Variants in ACTR3C observed in about 807,000 individuals in gnomAD.
ACTR3C encodes actin-related protein 3C.
A neutral mutation model predicts 26.3 loss-of-function variants in ACTR3C; 18 were observed. The observed-to-expected ratio is 0.68, with a 90% CI of 0.47 to 1.01. The LOEUF (loss-of-function observed/expected upper bound fraction) is 1.01. Among genes scored for constraint, ACTR3C ranks in the 50% least tolerant of loss-of-function variants. ACTR3C has a pLI of 0.00. For synonymous variants in ACTR3C, 55 were observed against 94.5 expected (o/e 0.58, Z 2.42); for missense variants, 184 against 250.7 (o/e 0.73, Z 1.80).
the ACTR3C span, among the ~76,000 whole-genome samples, chr7:149,996,124 C>T: frequency 5.9e-5 from 9 of 152,200 alleles, no homozygotes; most frequent in African/African-American, 2.2e-4. Flanking sequence ...AGATCACAAA[C>T]CATTCTAGGG....
chr7:150,035,540 C>CG, the ACTR3C span, among the ~76,000 whole-genome samples: 8 of 121,746 alleles, frequency 6.6e-5, no homozygotes, highest in African/African-American at 2.4e-4. Context: ...GTGCCTCCCC[C>CG]TCCTGCGATG....
the ACTR3C span, among the ~76,000 whole-genome samples, chr7:150,162,854 A>G: frequency 6.6e-6 from 1 of 152,194 alleles, no homozygotes; most frequent in East Asian, 1.9e-4. Context: ...CAAGCTAGAC[A>G]TCAGAAGTAC....
At chr7:150,053,406 C>T in the ACTR3C span, among the ~76,000 whole-genome samples, 1 of 152,172 alleles carries the variant, frequency 6.6e-6, no homozygotes, top group Non-Finnish European at 1.5e-5. Flanking sequence ...CTCTGCACTT[C>T]AGTGCTTTAA....
At chr7:150,087,253 T>A in the ACTR3C span, among the ~76,000 whole-genome samples, 1 of 151,658 alleles carries the variant, frequency 6.6e-6, no homozygotes, top group Non-Finnish European at 1.5e-5. Context: ...AAAGTTTTGT[T>A]AATTTTATTA....
intron 6 of ACTR3C, among the ~76,000 whole-genome samples, chr7:150,253,947 TG>T (rs1833030735): frequency 6.6e-6 from 1 of 152,038 alleles, no homozygotes; most frequent in Non-Finnish European, 1.5e-5. Flanking sequence ...CTGGTATCAT[TG>T]GGTATAGACT....
At chr7:150,308,244 C>T (rs995279595) in intron 1 of ACTR3C, among the ~76,000 whole-genome samples, 12 of 152,000 alleles carry the variant, frequency 7.9e-5, no homozygotes, top group African/African-American at 2.9e-4. Flanking sequence ...CTATGGGCAA[C>T]CTTCCACCCT....
rs941566948 is a variant in ACTR3C, at chr7:150,275,292, C to T, written c.564+9461G>A. On this transcript the variant is annotated intron_variant, in intron 6 of 7. Transcript: ENST00000683684. ...AATCATGTTTTTAAAGAATTTCAGTCGCTTAAGAAAGGGCTCACAACATAA... is the reference window on the plus strand; with the variant it reads ...AATCATGTTTTTAAAGAATTTCAGTTGCTTAAGAAAGGGCTCACAACATAA... Among the ~76,000 whole-genome samples the T allele has an allele frequency of 7.2e-5, 11 of 152,264 alleles. 1 individual carries two copies. The highest frequency in any genetic ancestry group is 6.8e-3 in the Middle Eastern group (2 of 294).
At chr7:150,181,390 C>T in the ACTR3C span, among the ~76,000 whole-genome samples, 1 of 150,582 alleles carries the variant, frequency 6.6e-6, no homozygotes, top group Admixed American at 6.6e-5. Context: ...AAAAGACAGG[C>T]CGGGCAACAT....
At chr7:150,037,906 A>T in the ACTR3C span, among the ~76,000 whole-genome samples, 1 of 132,220 alleles carries the variant, frequency 7.6e-6, no homozygotes, top group Non-Finnish European at 1.7e-5. Context: ...GCTCGCTCTC[A>T]GTCCCCGCGT....
the ACTR3C span, among the ~76,000 whole-genome samples, chr7:150,036,834 T>C: frequency 4.6e-5 from 6 of 130,564 alleles, 2 homozygotes; most frequent in Admixed American, 1.4e-4. Flanking sequence ...CCTAAGGATC[T>C]TAGGAGCAAC....
intron 6 of ACTR3C, chr7:150,264,512 A>G (rs2129610321): frequency 2.4e-6 from 2 of 831,530 alleles, no homozygotes; most frequent in South Asian, 1.1e-4. Context: ...GGAGAGACAG[A>G]AAAAGGGCAA....
chr7:150,094,087 C>T, the ACTR3C span, among the ~76,000 whole-genome samples: 5 of 150,512 alleles, frequency 3.3e-5, no homozygotes, highest in African/African-American at 7.5e-5. Flanking sequence ...GCTTTCAACT[C>T]GGGCCACGTG....
At chr7:150,038,776 C>T in the ACTR3C span, among the ~76,000 whole-genome samples, 17 of 143,876 alleles carry the variant, frequency 1.2e-4, 1 homozygote, top group East Asian at 3.2e-3. Context: ...GGAAGAGGGT[C>T]TGGCTCTCAG....
the ACTR3C span, among the ~76,000 whole-genome samples, chr7:149,963,186 A>C: frequency 4.2e-5 from 6 of 144,100 alleles, no homozygotes; most frequent in African/African-American, 1.5e-4. Flanking sequence ...CACTGAGCTG[A>C]TGGGAGTAGA....
At position 150,286,309 on chromosome 7, in the gene ACTR3C, C is replaced by T. The variant is rs1204368927; in HGVS notation, c.471+58G>A. On this transcript the variant is annotated intron_variant, in intron 5 of 7. Transcript: ENST00000683684. ...CGCTGGGAACTGCTCTTTCTACACT[C>T]TGGGTGGCAGTATCGCTCCATCCCA... 8 of 1,570,326 alleles carry T rather than the reference C, an allele frequency of 5.1e-6. No individual in the cohort carries two copies. In the South Asian group the frequency reaches 9.7e-5, roughly 19 times the overall value.
the ACTR3C span, among the ~76,000 whole-genome samples, chr7:150,104,276 T>C: frequency 6.6e-6 from 1 of 151,618 alleles, no homozygotes; most frequent in Admixed American, 6.6e-5. Flanking sequence ...AGATTGAACC[T>C]TGAAGGATAG....
chr7:150,280,257 G>A (rs1266448094), intron 6 of ACTR3C, among the ~76,000 whole-genome samples: 3 of 152,092 alleles, frequency 2.0e-5, no homozygotes, highest in African/African-American at 7.2e-5. Context: ...TGAAGCCCAC[G>A]GTGGGCCCAG....
the ACTR3C span, among the ~76,000 whole-genome samples, chr7:150,226,863 T>C: frequency 1.3e-5 from 2 of 152,364 alleles, no homozygotes; most frequent in East Asian, 1.9e-4. Flanking sequence ...TGATTTTATA[T>C]TGGAGTTGTT....
the ACTR3C span, among the ~76,000 whole-genome samples, chr7:150,198,006 C>T: frequency 5.9e-5 from 9 of 151,340 alleles, 1 homozygote; most frequent in South Asian, 2.1e-4. Flanking sequence ...AGGCATGCGC[C>T]GCCACGCCTG....
Sources: allele counts gnomAD v4.1 joint callset (sites outside exome capture counted in the v4.1 genomes callset), GRCh38; gene constraint gnomAD v4.1.1; transcripts MANE v1.5; gene names NCBI Gene and HGNC (gene_info 2026-07-23, HGNC 2026-07-21).